Variants in PAX2 observed in about 807,000 individuals in gnomAD.
PAX2 encodes paired box 2.
PAX2 carries 9 observed loss-of-function variants against 41.7 expected under a neutral mutation model. That is an observed-to-expected ratio of 0.22 (90% CI 0.13 to 0.38). The LOEUF (loss-of-function observed/expected upper bound fraction) is 0.38, where lower values mean the gene tolerates loss of function less well. Ranked by LOEUF, PAX2 falls within the 10% of genes least tolerant of loss-of-function variation. The pLI, the probability that PAX2 is intolerant of heterozygous loss-of-function variation, is 1.00. For synonymous variants in PAX2, 221 were observed against 212.7 expected, an observed-to-expected ratio of 1.04 and a Z score of -0.34; for missense variants, 418 against 531.6, an observed-to-expected ratio of 0.79 and a Z score of 2.10.
intron 5 of PAX2, among the ~76,000 whole-genome samples, chr10:100,789,638 C>T (rs1362193345): frequency 6.6e-6 from 1 of 152,216 alleles, no homozygotes; most frequent in Non-Finnish European, 1.5e-5. Context: ...CAAAACCTGG[C>T]TAAGGTCCAC....
intron 3 of PAX2, among the ~76,000 whole-genome samples, chr10:100,759,979 C>T (rs138154097): frequency 8.5e-5 from 13 of 152,262 alleles, no homozygotes; most frequent in Non-Finnish European, 1.6e-4. Context: ...GCCTGCAGGA[C>T]ATGGAGGCGG....
intron 5 of PAX2, among the ~76,000 whole-genome samples, chr10:100,793,214 G>A (rs1847196283): frequency 6.6e-6 from 1 of 152,226 alleles, no homozygotes; most frequent in Admixed American, 6.5e-5. Context: ...TAGGGTCCCA[G>A]GAGCTAGACG....
At chr10:100,813,872 G>GA (rs1391559276) in intron 7 of PAX2, among the ~76,000 whole-genome samples, 1 of 151,992 alleles carries the variant, frequency 6.6e-6, no homozygotes, top group Non-Finnish European at 1.5e-5. Flanking sequence ...ACAGGGGGAA[G>GA]AAAAAACCCC....
At chr10:100,756,970 G>A (rs1360777839) in intron 3 of PAX2, among the ~76,000 whole-genome samples, 2 of 152,222 alleles carry the variant, frequency 1.3e-5, no homozygotes, top group Admixed American at 6.5e-5. Flanking sequence ...TGCCCAAATA[G>A]CAAGTGAAAT....
chr10:100,808,382 C>T (rs903264786), intron 6 of PAX2, among the ~76,000 whole-genome samples: 2 of 152,274 alleles, frequency 1.3e-5, no homozygotes, highest in African/African-American at 2.4e-5. Flanking sequence ...CCCGAAAGAG[C>T]AGGAAATCAG....
At chr10:100,767,519 G>A (rs745844747) in intron 3 of PAX2, among the ~76,000 whole-genome samples, 1 of 152,170 alleles carries the variant, frequency 6.6e-6, no homozygotes, top group Non-Finnish European at 1.5e-5. Context: ...TGGGAGGGGA[G>A]CTCACTAAGC....
chr10:100,794,132 C>T (rs1378014693), intron 5 of PAX2, among the ~76,000 whole-genome samples: 1 of 152,192 alleles, frequency 6.6e-6, no homozygotes, highest in Non-Finnish European at 1.5e-5. Context: ...TGCCACTCAC[C>T]ATAGAACTCT....
chr10:100,735,870 C>A, intron 1 of PAX2: 3 of 515,306 alleles, frequency 5.8e-6, no homozygotes, highest in Non-Finnish European at 7.7e-6. Context: ...AGGCTGGGGA[C>A]TGAGGCTCTG....
chr10:100,765,224 G>A (rs1379114775), intron 3 of PAX2, among the ~76,000 whole-genome samples: 1 of 152,138 alleles, frequency 6.6e-6, no homozygotes, highest in Non-Finnish European at 1.5e-5. Flanking sequence ...TTTATTCTTT[G>A]CCTGACAAGA....
intron 5 of PAX2, among the ~76,000 whole-genome samples, chr10:100,782,153 G>A (rs1157593220): frequency 6.6e-6 from 1 of 152,168 alleles, no homozygotes; most frequent in Non-Finnish European, 1.5e-5. Context: ...AGACACCAGT[G>A]TCTCCGGCCT....
chr10:100,791,018 A>G lies in PAX2; in HGVS notation c.616+9653A>G, dbSNP rs1459276859. Among the ~76,000 whole-genome samples, 1 of 152,210 alleles carries G rather than the reference A, an allele frequency of 6.6e-6. No individual in the cohort carries two copies. Among genetic ancestry groups the G allele is most frequent in the African/African-American group, 2.4e-5 (1 of 41,452 alleles). ...TGAACCTGCTGACCTTGACAGCACT[A>G]GACAACAGAGGCCTCACAAACCTCA... On this transcript the variant is annotated intron_variant, in intron 5 of 9. Coordinates refer to ENST00000355243, the MANE Select transcript of PAX2 (RefSeq NM_000278.5). The surrounding 1 kb of genome is among the most constrained non-coding windows in gnomAD (Gnocchi z 4.5).
chr10:100,818,070 TA>T lies in PAX2; in HGVS notation c.920-6576del, dbSNP rs1209127649. ...ATAGACTGCCAGCCTTGAAGAAATC[TA>T]ATGTCTTCATTTTCGCTACCTTATG... On this transcript the variant is annotated intron_variant, in intron 7 of 9. Transcript: ENST00000355243. 5.3e-5 allele frequency among the ~76,000 whole-genome samples: 8 copies of T among 152,316 alleles called. No individual in the cohort carries two copies. In the South Asian group the frequency reaches 1.7e-3, roughly 32 times the overall value.
At chr10:100,787,454 G>C (rs1335525337) in intron 5 of PAX2, among the ~76,000 whole-genome samples, 4 of 152,184 alleles carry the variant, frequency 2.6e-5, no homozygotes, top group Non-Finnish European at 4.4e-5. Context: ...AAGGGAGGTG[G>C]GAGGGCCGGA....
chr10:100,779,427 A>G, intron 3 of PAX2, 71 bp from the exon 4 acceptor site: 2 of 1,300,932 alleles, frequency 1.5e-6, no homozygotes, highest in Non-Finnish European at 2.2e-6. Context: ...GCCCCTTTGC[A>G]GGGCTGGGCT....
intron 5 of PAX2, among the ~76,000 whole-genome samples, chr10:100,801,490 C>G (rs1847562340): frequency 6.6e-6 from 1 of 152,230 alleles, no homozygotes; most frequent in South Asian, 2.1e-4. Flanking sequence ...TAGCTCACCC[C>G]CTTGAGAGTG....
intron 3 of PAX2, among the ~76,000 whole-genome samples, chr10:100,755,661 A>G (rs1391311572): frequency 6.6e-6 from 1 of 152,190 alleles, no homozygotes; most frequent in Non-Finnish European, 1.5e-5. Context: ...ACACCCTGAG[A>G]GGCAACAATC....
At chr10:100,816,886 G>T (rs1316408776) in intron 7 of PAX2, among the ~76,000 whole-genome samples, 1 of 152,192 alleles carries the variant, frequency 6.6e-6, no homozygotes, top group East Asian at 1.9e-4. Context: ...TGCTGCAGAG[G>T]CTTAAGTGGC....
Position 100,827,372 on chromosome 10 carries a change from G to A in PAX2, c.1109-171G>A, listed in dbSNP as rs1039434379. ...CCAGATCGGGTCCCTCTCATGCCCC[G>A]TGAACGCAACTATTCTCCGGGGCAA... On this transcript the variant is annotated intron_variant, in intron 9 of 9. Transcript: ENST00000355243. The surrounding 1 kb of genome is among the most constrained non-coding windows in gnomAD (Gnocchi z 8.5). Among the ~76,000 whole-genome samples the A allele has an allele frequency of 7.2e-5, 11 of 152,216 alleles. No individual in the cohort carries two copies. Among genetic ancestry groups the A allele is most frequent in the Admixed American group, 7.2e-4 (11 of 15,282 alleles).
chr10:100,786,001 A>C (rs2133908047), intron 5 of PAX2, among the ~76,000 whole-genome samples: 1 of 152,324 alleles, frequency 6.6e-6, no homozygotes, highest in South Asian at 2.1e-4. Context: ...TCGTGAATTT[A>C]GTGTTGAGCT....
Sources: allele counts gnomAD v4.1 joint callset (sites outside exome capture counted in the v4.1 genomes callset), GRCh38; gene constraint gnomAD v4.1.1; non-coding constraint Gnocchi (gnomAD v3.1); transcripts MANE v1.5; gene names NCBI Gene and HGNC (gene_info 2026-07-23, HGNC 2026-07-21).